Variants in DNAJC1 observed in about 807,000 individuals in gnomAD.
The protein encoded by DNAJC1 is dnaJ homolog subfamily C member 1.
A neutral mutation model predicts 76.6 loss-of-function variants in DNAJC1; 58 were observed. The ratio of observed to expected loss-of-function variants is 0.76; its 90% CI spans 0.61 to 0.94. The LOEUF is 0.94. Ranked by LOEUF, DNAJC1 falls within the 40% of genes least tolerant of loss-of-function variation. The probability of loss-of-function intolerance (pLI) is 0.00; values close to 1 mark genes in which losing one functional copy is unlikely to be tolerated. For synonymous variants in DNAJC1, 258 were observed against 267.9 expected, an observed-to-expected ratio of 0.96 and a Z score of 0.36; for missense variants, 689 against 677.3, an observed-to-expected ratio of 1.02 and a Z score of -0.19.
At chr10:21,805,592 G>T (rs1180881574) in intron 9 of DNAJC1, among the ~76,000 whole-genome samples, 1 of 151,976 alleles carries the variant, frequency 6.6e-6, no homozygotes, top group East Asian at 1.9e-4. Flanking sequence ...AGAACCACCT[G>T]TCTAAATAGC....
chr10:21,886,893 C>A (rs1836374590), intron 7 of DNAJC1, among the ~76,000 whole-genome samples: 1 of 152,100 alleles, frequency 6.6e-6, no homozygotes, highest in Non-Finnish European at 1.5e-5. Flanking sequence ...CTAGCTGAAG[C>A]AATTAGGCAA....
chr10:21,945,986 T>C (rs1376720888), intron 1 of DNAJC1, among the ~76,000 whole-genome samples: 2 of 151,042 alleles, frequency 1.3e-5, no homozygotes, highest in East Asian at 1.9e-4. Context: ...TGAGAAGTGA[T>C]AAATGCAAAA....
rs561833178 is a variant in DNAJC1 at position 21,801,750 on chromosome 10, TGATA to T, written c.1098+4226_1098+4229del. Among the ~76,000 whole-genome samples the T allele has an allele frequency of 1.4e-3, 209 of 152,268 alleles. 1 individual carries two copies. Among genetic ancestry groups the T allele is most frequent in the South Asian group, 2.5e-3 (12 of 4,824 alleles). On this transcript the variant is annotated intron_variant, in intron 9 of 11. Coordinates refer to ENST00000376980, the MANE Select transcript of DNAJC1 (RefSeq NM_022365.4). ...ATGGAATCAACCGAAATCCCATTAATGATAGATAGTATAAAGAAAATGTGATTAT... is the reference window on the plus strand; with the variant it reads ...ATGGAATCAACCGAAATCCCATTAATGATAGTATAAAGAAAATGTGATTAT...
At chr10:21,827,411 T>TA (rs1313452501) in intron 8 of DNAJC1, among the ~76,000 whole-genome samples, 2 of 152,128 alleles carry the variant, frequency 1.3e-5, no homozygotes, top group Admixed American at 6.5e-5. Context: ...AGGGCTGCCA[T>TA]AAAAAAATAC....
intron 1 of DNAJC1, among the ~76,000 whole-genome samples, chr10:21,977,031 C>G (rs1228648091): frequency 6.6e-6 from 1 of 152,154 alleles, no homozygotes; most frequent in Non-Finnish European, 1.5e-5. Flanking sequence ...AAAGCAGTGA[C>G]AGTCTCCAAT....
intron 1 of DNAJC1, among the ~76,000 whole-genome samples, chr10:21,999,978 C>T (rs1838492627): frequency 6.6e-6 from 1 of 152,146 alleles, no homozygotes; most frequent in Non-Finnish European, 1.5e-5. Flanking sequence ...CAACGTTTAA[C>T]AGACACCCCA....
At chr10:21,837,252 G>A (rs576825523) in intron 8 of DNAJC1, among the ~76,000 whole-genome samples, 5 of 152,084 alleles carry the variant, frequency 3.3e-5, no homozygotes, top group African/African-American at 4.8e-5. Context: ...GCGTGATCTC[G>A]GCTCGCTACA....
intron 10 of DNAJC1, among the ~76,000 whole-genome samples, chr10:21,763,353 T>C (rs1834261867): frequency 6.6e-6 from 1 of 152,218 alleles, no homozygotes; most frequent in African/African-American, 2.4e-5. Flanking sequence ...TGATTAAAGA[T>C]ATTAGTCTTC....
At chr10:21,883,838 T>C (rs978364072) in intron 7 of DNAJC1, among the ~76,000 whole-genome samples, 2 of 152,180 alleles carry the variant, frequency 1.3e-5, no homozygotes, top group African/African-American at 4.8e-5. Context: ...TTTTGCACTA[T>C]CATAAAGTCA....
intron 1 of DNAJC1, among the ~76,000 whole-genome samples, chr10:21,993,456 G>A (rs777131253): frequency 2.0e-5 from 3 of 152,136 alleles, no homozygotes; most frequent in Non-Finnish European, 4.4e-5. Flanking sequence ...GTCTTAAAAG[G>A]CCCTGCAAAA....
At chr10:21,805,903 C>T in intron 9 of DNAJC1, 77 bp downstream of exon 9, 2 of 1,567,294 alleles carry the variant, frequency 1.3e-6, no homozygotes, top group Non-Finnish European at 8.7e-7. Context: ...ACTGTGGAAC[C>T]CATCTATGTC....
At chr10:21,778,059 C>T (rs925957064) in intron 9 of DNAJC1, among the ~76,000 whole-genome samples, 12 of 152,208 alleles carry the variant, frequency 7.9e-5, no homozygotes, top group Middle Eastern at 3.4e-3. Context: ...TGTGGTAGCG[C>T]ACACTTGTAG....
rs139680002 is a variant in DNAJC1 at position 21,902,676 on chromosome 10, T to C, written c.820+1846A>G. Among the ~76,000 whole-genome samples, 756 of 152,292 alleles carry C rather than the reference T, an allele frequency of 5.0e-3. 6 individuals carry two copies. Among genetic ancestry groups the C allele is most frequent in the African/African-American group, 0.017 (718 of 41,572 alleles). ...GCAGAACAAAAGTCATTGGACAATTTTGGAAAAATAGTTAACTCCGAAAGG... is the reference window on the plus strand; with the variant it reads ...GCAGAACAAAAGTCATTGGACAATTCTGGAAAAATAGTTAACTCCGAAAGG... On this transcript the variant is annotated intron_variant, in intron 7 of 11. Transcript: ENST00000376980.
At chr10:21,787,375 A>G (rs1227698908) in intron 9 of DNAJC1, among the ~76,000 whole-genome samples, 1 of 151,890 alleles carries the variant, frequency 6.6e-6, no homozygotes, top group East Asian at 1.9e-4. Context: ...AAGGAGAGGA[A>G]GAGAAAAAAG....
At chr10:21,822,344 C>A (rs904255207) in intron 8 of DNAJC1, among the ~76,000 whole-genome samples, 1 of 151,998 alleles carries the variant, frequency 6.6e-6, no homozygotes, top group African/African-American at 2.4e-5. Context: ...GAGGCTGAGG[C>A]AGAAGAATCA....
At chr10:21,837,114 T>C (rs1253691497) in intron 8 of DNAJC1, among the ~76,000 whole-genome samples, 1 of 152,234 alleles carries the variant, frequency 6.6e-6, no homozygotes, top group Non-Finnish European at 1.5e-5. Flanking sequence ...GGTTTCGCTG[T>C]GTTGGCCAGG....
intron 8 of DNAJC1, among the ~76,000 whole-genome samples, chr10:21,863,855 G>T (rs1835953819): frequency 6.6e-6 from 1 of 152,118 alleles, no homozygotes; most frequent in Non-Finnish European, 1.5e-5. Flanking sequence ...TCTGTTAAAA[G>T]CCTGCACCTA....
chr10:21,967,919 A>T (rs1448965091), intron 1 of DNAJC1, among the ~76,000 whole-genome samples: 1 of 152,242 alleles, frequency 6.6e-6, no homozygotes, highest in African/African-American at 2.4e-5. Context: ...ACGTTCAAGG[A>T]AAGTTAGTAC....
At chr10:21,915,955 C>T (rs1195126846) in intron 6 of DNAJC1, among the ~76,000 whole-genome samples, 1 of 150,784 alleles carries the variant, frequency 6.6e-6, no homozygotes, top group Non-Finnish European at 1.5e-5. Flanking sequence ...CCAGCCTGAG[C>T]AACATGGCAA....
Sources: allele counts gnomAD v4.1 joint callset (sites outside exome capture counted in the v4.1 genomes callset), GRCh38; gene constraint gnomAD v4.1.1; transcripts MANE v1.5; gene names NCBI Gene and HGNC (gene_info 2026-07-23, HGNC 2026-07-21).